RRAS2: variants seen among roughly 807,000 people sequenced by gnomAD.
The protein encoded by RRAS2 is ras-related protein R-Ras2.
RRAS2 carries 7 observed loss-of-function variants against 27.6 expected under a neutral mutation model. That is an observed-to-expected ratio of 0.25 (90% confidence interval 0.14 to 0.48). The LOEUF (loss-of-function observed/expected upper bound fraction) is 0.48, where lower values mean the gene tolerates loss of function less well. Ranked by LOEUF, RRAS2 falls within the 20% of genes least tolerant of loss-of-function variation. The pLI, the probability that RRAS2 is intolerant of heterozygous loss-of-function variation, is 0.99. For missense variants in RRAS2, 178 were observed against 256.2 expected (o/e 0.69, Z 2.08); for synonymous variants, 86 against 90.9 (o/e 0.95, Z 0.31).
chr11:14,353,054 C>T (rs1247849556), intron 1 of RRAS2, among the ~76,000 whole-genome samples: 7 of 152,094 alleles, frequency 4.6e-5, no homozygotes. Context: ...CCGCCTCAGC[C>T]TCTCAAAGTG....
chr11:14,300,014 G>T (rs1480550982), intron 1 of RRAS2, among the ~76,000 whole-genome samples: 1 of 152,124 alleles, frequency 6.6e-6, no homozygotes, highest in African/African-American at 2.4e-5. Context: ...CAGAAAGGAT[G>T]TTCTGTAGCA....
At chr11:14,301,327 T>C (rs945155905) in intron 1 of RRAS2, among the ~76,000 whole-genome samples, 5 of 152,210 alleles carry the variant, frequency 3.3e-5, no homozygotes, top group African/African-American at 1.2e-4. Context: ...TTTTTAACCC[T>C]GAGCTTTCAC....
chr11:14,287,871 CAAA>C (rs34954723), intron 4 of RRAS2, among the ~76,000 whole-genome samples: 23 of 119,004 alleles, frequency 1.9e-4, no homozygotes, highest in Admixed American at 4.0e-4. Context: ...GACTCTGTCT[CAAA>C]AAAAAAAAAA....
intron 1 of RRAS2, among the ~76,000 whole-genome samples, chr11:14,296,868 A>C (rs1847567364): frequency 6.6e-6 from 1 of 152,142 alleles, no homozygotes; most frequent in African/African-American, 2.4e-5. Flanking sequence ...GAAGGGAAGA[A>C]TCTCAGCCTA....
chr11:14,283,249 C>T lies in RRAS2; in HGVS notation c.409-1529G>A, dbSNP rs571875454. On this transcript the variant is annotated intron_variant, in intron 4 of 5. Coordinates refer to ENST00000256196, the MANE Select transcript of RRAS2 (RefSeq NM_012250.6). ...TCACTGTCAAATATCAAACCAACAA[C>T]CCATTGCAGGAATAAACTCTCCTTG... Among the ~76,000 whole-genome samples the T allele has an allele frequency of 5.9e-5, 9 of 152,268 alleles. No individual in the cohort carries two copies. The South Asian group carries it at 1.9e-3, about 32-fold the overall frequency.
intron 2 of RRAS2, among the ~76,000 whole-genome samples, chr11:14,295,096 A>G (rs1554946407): frequency 6.6e-6 from 1 of 152,234 alleles, no homozygotes; most frequent in Non-Finnish European, 1.5e-5. Flanking sequence ...AGAATATATT[A>G]GCACACTAAT....
chr11:14,319,339 CTCTG>C (rs1564969258), intron 1 of RRAS2, among the ~76,000 whole-genome samples: 2 of 138,880 alleles, frequency 1.4e-5, no homozygotes, highest in Non-Finnish European at 1.5e-5. Context: ...TTCAGGTTCC[CTCTG>C]TCTTTTTTTT....
chr11:14,354,775 C>G (rs1230575943), intron 1 of RRAS2, among the ~76,000 whole-genome samples: 2 of 143,016 alleles, frequency 1.4e-5, no homozygotes, highest in African/African-American at 5.2e-5. Flanking sequence ...CTCCCAGGTT[C>G]AAGTGATTCT....
chr11:14,314,929 C>T lies in RRAS2; in HGVS notation c.109-19074G>A, dbSNP rs565457051. 2.6e-5 allele frequency among the ~76,000 whole-genome samples: 4 copies of T among 152,192 alleles called. No homozygotes were observed. In the South Asian group the frequency reaches 6.2e-4, roughly 24 times the overall value. ...CTCAAACTCTTGGCCTCAAGTGATCCGCCCGCCTCAGCCTCCCAAAGTGCT... is the reference window on the plus strand; with the variant it reads ...CTCAAACTCTTGGCCTCAAGTGATCTGCCCGCCTCAGCCTCCCAAAGTGCT... On this transcript the variant is annotated intron_variant, in intron 1 of 5. Transcript: ENST00000256196.
exon 1 of RRAS2, chr11:14,364,433 G>A (rs1849228400): frequency 4.6e-6 from 7 of 1,533,348 alleles, no homozygotes; most frequent in Non-Finnish European, 6.1e-6. Flanking sequence ...TCCTTAATGG[G>A]CCATTGCTTT....
intron 1 of RRAS2, among the ~76,000 whole-genome samples, chr11:14,302,457 A>G (rs1192175068): frequency 6.6e-6 from 1 of 152,200 alleles, no homozygotes; most frequent in Admixed American, 6.5e-5. Flanking sequence ...TCCAGAAGCC[A>G]TCCTACTTGC....
At chr11:14,363,742 G>T (rs1241667483), upstream of RRAS2, among the ~76,000 whole-genome samples, 1 of 151,904 alleles carries the variant, frequency 6.6e-6, no homozygotes, top group African/African-American at 2.4e-5. Flanking sequence ...CTGCACTCCA[G>T]TCTGGGCAAC....
chr11:14,309,747 A>G (rs1162941732), intron 1 of RRAS2, among the ~76,000 whole-genome samples: 1 of 152,212 alleles, frequency 6.6e-6, no homozygotes, highest in Non-Finnish European at 1.5e-5. Context: ...GTGTAGCTAC[A>G]ACAACAAACA....
At chr11:14,334,313 G>T (rs1004439484) in intron 1 of RRAS2, among the ~76,000 whole-genome samples, 1 of 151,958 alleles carries the variant, frequency 6.6e-6, no homozygotes, top group Non-Finnish European at 1.5e-5. Flanking sequence ...TTCAGTGAGG[G>T]CTAACAATTT....
chr11:14,341,491 C>A (rs1316813783), intron 1 of RRAS2, among the ~76,000 whole-genome samples: 1 of 152,000 alleles, frequency 6.6e-6, no homozygotes, highest in Non-Finnish European at 1.5e-5. Flanking sequence ...CAAATCATAA[C>A]ACACACATTC....
intron 1 of RRAS2, among the ~76,000 whole-genome samples, chr11:14,330,700 G>A (rs1554951775): frequency 6.6e-6 from 1 of 151,948 alleles, no homozygotes; most frequent in African/African-American, 2.4e-5. Flanking sequence ...AACGAAAAAG[G>A]CTGTAACAAA....
chr11:14,301,605 C>T (rs1415264705), intron 1 of RRAS2, among the ~76,000 whole-genome samples: 1 of 152,200 alleles, frequency 6.6e-6, no homozygotes, highest in Non-Finnish European at 1.5e-5. Flanking sequence ...CATCAAATAA[C>T]TTTGCTAATC....
rs1847494498 is a variant in RRAS2, at chr11:14,294,452, C to G, written c.408+19G>C. The G allele has an allele frequency of 1.4e-6, 2 of 1,462,364 alleles. No individual in the cohort carries two copies. Among genetic ancestry groups the G allele is most frequent in the East Asian group, 4.6e-5 (2 of 43,904 alleles). The allele number at this position is 1,462,364 out of a possible 1,614,324, so 90.6% of individuals were successfully genotyped here. On this transcript the variant is annotated intron_variant, in intron 4 of 5. Coordinates refer to ENST00000256196, the MANE Select transcript of RRAS2 (RefSeq NM_012250.6). ...TGATTATAAACAATTGGTTTCCCAA[C>G]AGTGAAATTCCTTCTCACCTGTCTT...
chr11:14,294,746 A>T lies in RRAS2; in HGVS notation c.299+14T>A. 1 of 1,607,708 alleles carries T rather than the reference A, an allele frequency of 6.2e-7. No individual in the cohort carries two copies. Among genetic ancestry groups the T allele is most frequent in the Non-Finnish European group, 8.5e-7 (1 of 1,174,478 alleles). ...GACAAGAACAGTGGATCTACATTCT[A>T]ATATGGTACAAACCTGCCTCTATCT... On this transcript the variant is annotated intron_variant, in intron 3 of 5. Transcript: ENST00000256196.
Sources: gnomAD v4.1 joint callset for allele counts (sites outside exome capture counted in the v4.1 genomes callset) on GRCh38, gnomAD v4.1.1 for gene constraint, MANE v1.5 for transcripts, NCBI Gene and HGNC (gene_info 2026-07-23, HGNC 2026-07-21) for gene names.